Variants in PARD3 observed in about 807,000 individuals in gnomAD.
PARD3 encodes the protein par-3 family cell polarity regulator.
A neutral mutation model predicts 155.4 loss-of-function variants in PARD3; 75 were observed. That is an observed-to-expected ratio of 0.48 (90% confidence interval 0.40 to 0.58). The LOEUF (loss-of-function observed/expected upper bound fraction) is 0.58. PARD3 is among the 20% of genes least tolerant of loss of function. The pLI is 0.00. For synonymous variants in PARD3, 576 were observed against 610.5 expected (o/e 0.94, Z 0.83); for missense variants, 1,642 against 1,721.7 (o/e 0.95, Z 0.82).
At chr10:34,479,630 C>G (rs551948586) in intron 3 of PARD3, among the ~76,000 whole-genome samples, 10 of 152,330 alleles carry the variant, frequency 6.6e-5, no homozygotes, top group Admixed American at 3.9e-4. Context: ...TGCCGGTGCC[C>G]TGTAGCCTGT....
intron 19 of PARD3, 115 bp from the exon 20 acceptor site, chr10:34,317,453 G>T: frequency 1.9e-6 from 2 of 1,059,296 alleles, no homozygotes; most frequent in Non-Finnish European, 2.7e-6. Context: ...GTATGGCCCT[G>T]CTAGCAACAT....
intron 12 of PARD3, among the ~76,000 whole-genome samples, chr10:34,369,951 G>T (rs1158865289): frequency 1.3e-5 from 2 of 152,070 alleles, no homozygotes; most frequent in African/African-American, 4.8e-5. Context: ...TATGTGCCAA[G>T]AACTAGCAAT....
At chr10:34,745,058 G>A (rs552483678) in intron 1 of PARD3, among the ~76,000 whole-genome samples, 8 of 152,258 alleles carry the variant, frequency 5.3e-5, no homozygotes, top group South Asian at 4.1e-4. Flanking sequence ...CAACCTCATC[G>A]TTTTACAAAT....
At chr10:34,287,744 G>A (rs896000972) in intron 20 of PARD3, among the ~76,000 whole-genome samples, 3 of 152,116 alleles carry the variant, frequency 2.0e-5, no homozygotes, top group Admixed American at 6.5e-5. Context: ...TCTTAAGTAC[G>A]TATGACATTT....
intron 5 of PARD3, chr10:34,426,619 A>C (rs1486751361): frequency 1.3e-5 from 2 of 152,204 alleles, no homozygotes; most frequent in African/African-American, 4.8e-5. Flanking sequence ...ATATCGGCTT[A>C]AGTTTAAGAC....
At chr10:34,425,291 C>T (rs1354316061) in intron 5 of PARD3, among the ~76,000 whole-genome samples, 1 of 152,094 alleles carries the variant, frequency 6.6e-6, no homozygotes, top group African/African-American at 2.4e-5. Context: ...CCAACATTGC[C>T]TCTTAACGTT....
At chr10:34,508,218 T>C (rs2081201262) in intron 3 of PARD3, among the ~76,000 whole-genome samples, 1 of 152,066 alleles carries the variant, frequency 6.6e-6, no homozygotes, top group African/African-American at 2.4e-5. Flanking sequence ...TCAGACAAAT[T>C]TCCCAAGTAA....
chr10:34,204,456 T>C (rs1951369619), intron 22 of PARD3, among the ~76,000 whole-genome samples: 1 of 152,186 alleles, frequency 6.6e-6, no homozygotes, highest in African/African-American at 2.4e-5. Flanking sequence ...GCAGTTTATA[T>C]ACAGCGTTTT....
At chr10:34,601,459 A>G (rs1225411452) in intron 2 of PARD3, among the ~76,000 whole-genome samples, 1 of 152,216 alleles carries the variant, frequency 6.6e-6, no homozygotes, top group Non-Finnish European at 1.5e-5. Flanking sequence ...TCATGAATAA[A>G]TAAGTAAATA....
chr10:34,685,635 C>G (rs535305586), intron 2 of PARD3, among the ~76,000 whole-genome samples: 151 of 151,854 alleles, frequency 9.9e-4, no homozygotes, highest in African/African-American at 3.5e-3. Flanking sequence ...ACTTTGTCGC[C>G]CAGGCTGGAG....
chr10:34,286,253 T>TA (rs1490442254), intron 20 of PARD3, among the ~76,000 whole-genome samples: 3 of 152,232 alleles, frequency 2.0e-5, no homozygotes, highest in Non-Finnish European at 4.4e-5. Context: ...ACTGAGCATC[T>TA]ACCATGCAGT....
intron 24 of PARD3, among the ~76,000 whole-genome samples, chr10:34,111,835 T>G (rs1440012538): frequency 6.6e-6 from 1 of 152,182 alleles, no homozygotes. Context: ...CTCCTGTGTC[T>G]GAGAAGGTTG....
chr10:34,436,067 T>C (rs1235380381), intron 5 of PARD3, among the ~76,000 whole-genome samples: 1 of 152,114 alleles, frequency 6.6e-6, no homozygotes. Context: ...ATGAATCAAA[T>C]ACGAAATTTA....
At chr10:34,750,708 A>ATTTT (rs1835923310) in intron 1 of PARD3, among the ~76,000 whole-genome samples, 1 of 93,296 alleles carries the variant, frequency 1.1e-5, no homozygotes, top group African/African-American at 3.8e-5. Flanking sequence ...TTTTTTTTTG[A>ATTTT]GATGGAGTCT....
chr10:34,161,751 T>C (rs1338609156), intron 22 of PARD3, among the ~76,000 whole-genome samples: 1 of 152,188 alleles, frequency 6.6e-6, no homozygotes, highest in African/African-American at 2.4e-5. Context: ...CCTTTGCTTT[T>C]AGTGCCCAAC....
intron 22 of PARD3, among the ~76,000 whole-genome samples, chr10:34,212,021 CT>C (rs34135178): frequency 0.61 from 79,888 of 131,966 alleles, 25,000 homozygotes; most frequent in East Asian, 0.88. Context: ...GAGTGCTCAA[CT>C]TTTTTTTTTT....
chr10:34,159,785 A>C (rs902974906), intron 22 of PARD3, among the ~76,000 whole-genome samples: 2 of 152,210 alleles, frequency 1.3e-5, no homozygotes, highest in Non-Finnish European at 2.9e-5. Flanking sequence ...TGCCCATTTT[A>C]TAGATGAGGT....
chr10:34,572,544 GGGA>G (rs1471295400), intron 2 of PARD3, among the ~76,000 whole-genome samples: 3 of 151,982 alleles, frequency 2.0e-5, no homozygotes, highest in East Asian at 3.9e-4. Context: ...GAGGCTGAGA[GGGA>G]GGAGAATTGC....
chr10:34,525,581 A>G (rs897713702), intron 2 of PARD3, among the ~76,000 whole-genome samples: 2 of 152,238 alleles, frequency 1.3e-5, no homozygotes, highest in Non-Finnish European at 2.9e-5. Flanking sequence ...ATAGTGTTCT[A>G]ATCTGTGAAC....
Sources: allele counts gnomAD v4.1 joint callset (sites outside exome capture counted in the v4.1 genomes callset), GRCh38; gene constraint gnomAD v4.1.1; transcripts MANE v1.5; gene names NCBI Gene and HGNC (gene_info 2026-07-23, HGNC 2026-07-21).